LHPP: variants seen among roughly 807,000 people sequenced by gnomAD.
LHPP encodes phospholysine phosphohistidine inorganic pyrophosphate phosphatase.
A neutral mutation model predicts 30.3 loss-of-function variants in LHPP; 24 were observed. The observed-to-expected ratio is 0.79, with a 90% CI of 0.57 to 1.11. LHPP has a LOEUF of 1.11. LHPP is among the 50% of genes most tolerant of loss of function. The pLI is 0.00. For missense variants in LHPP, 356 were observed against 367.2 expected (o/e 0.97, Z 0.25); for synonymous variants, 150 against 157.1 (o/e 0.95, Z 0.34).
chr10:124,498,614 C>T, intron 5 of LHPP: 1 of 736,750 alleles, frequency 1.4e-6, no homozygotes, highest in Non-Finnish European at 2.2e-6. Flanking sequence ...TACCCCAACC[C>T]TAAGTGAGTC....
At chr10:124,467,401 G>A (rs561503299) in intron 1 of LHPP, among the ~76,000 whole-genome samples, 22 of 151,564 alleles carry the variant, frequency 1.5e-4, no homozygotes, top group Admixed American at 6.6e-5. Context: ...GGGGCAGGGA[G>A]GGGGTCATGG....
At chr10:124,463,410 C>T (rs1034010313) in intron 1 of LHPP, among the ~76,000 whole-genome samples, 3 of 151,304 alleles carry the variant, frequency 2.0e-5, no homozygotes, top group African/African-American at 4.9e-5. Context: ...TTGCCCAGGC[C>T]GGAGTGCAGT....
intron 5 of LHPP, among the ~76,000 whole-genome samples, chr10:124,501,953 A>G (rs1953914505): frequency 1.3e-5 from 2 of 151,904 alleles, no homozygotes; most frequent in Non-Finnish European, 2.9e-5. Flanking sequence ...AACATTTGAA[A>G]TATCTATGTC....
chr10:124,576,562 TC>T lies in LHPP; in HGVS notation c.717-36701del, dbSNP rs957203761. 6.8e-6 allele frequency among the ~76,000 whole-genome samples: 1 copy of T among 147,662 alleles called. No individual in the cohort carries two copies. Among genetic ancestry groups the T allele is most frequent in the Non-Finnish European group, 1.5e-5 (1 of 66,518 alleles). On this transcript the variant is annotated intron_variant, in intron 6 of 6. Coordinates refer to ENST00000368842, the MANE Select transcript of LHPP (RefSeq NM_022126.4). The surrounding 1 kb of genome is among the most constrained non-coding windows in gnomAD (Gnocchi z 4.2). ...ATCCCCCTTTGCTGCCACCCCTATA[TC>T]TTACCCCAGACTCCCCCATATCTCG...
chr10:124,613,348 C>G lies in LHPP; in HGVS notation c.801C>G (p.His267Gln). The G allele has an allele frequency of 6.2e-7, 1 of 1,612,042 alleles. No individual in the cohort carries two copies. The highest frequency in any genetic ancestry group is 8.5e-7 in the Non-Finnish European group (1 of 1,179,348). Residue 267 changes from histidine (H) to glutamine (Q), a missense_variant, in exon 7 of 7, where the codon CAC (histidine) becomes CAG (glutamine). Transcript: ENST00000368842. ...AGGCAGTGGACCTGCTGCTGCAGCA[C>G]GCCGACAAGTGATGGCCTCCTGGGA... Reference protein sequence around the residue: ...LAEAVDLLLQHADK With the variant: ...LAEAVDLLLQQADK
rs866983434 is a variant in LHPP, at chr10:124,566,202, G to T, written c.717-47062G>T. On this transcript the variant is annotated intron_variant, in intron 6 of 6. Transcript: ENST00000368842. ...GAAGTGGGCCAGGTCCTGGAGACCG[G>T]GCGTGTGGTTATGGGCTCTCCAGAT... is the stretch of plus-strand genomic sequence containing the variant. 2.6e-5 allele frequency among the ~76,000 whole-genome samples: 4 copies of T among 152,254 alleles called. No homozygotes were observed. The East Asian group carries it at 7.7e-4, about 29-fold the overall frequency.
chr10:124,528,994 C>T (rs17151975), intron 6 of LHPP, among the ~76,000 whole-genome samples: 77,035 of 148,094 alleles, frequency 0.52, 20,825 homozygotes, highest in South Asian at 0.68. Context: ...GGCACAATCG[C>T]CCCTGCCCTG....
At position 124,496,880 on chromosome 10, in the gene LHPP, G is replaced by C; in HGVS notation, c.468-81G>C. 7.7e-7 allele frequency: 1 copy of C among 1,299,040 alleles called. No individual in the cohort carries two copies. The highest frequency in any genetic ancestry group is 1.1e-6 in the Non-Finnish European group (1 of 914,276). 80.5% of individuals were successfully genotyped at this position (1,299,040 alleles called of 1,614,324 possible). A position where few individuals can be genotyped will look rare whatever the true frequency, so the allele number is the denominator to read the frequency against. ...GCTCTGCAGCCAGCGGGACAGGCCC[G>C]GTGCTCAGCTCCCGATACTTAGCAT... On this transcript the variant is annotated intron_variant, in intron 3 of 6. Transcript: ENST00000368842. The surrounding 1 kb of genome is among the most constrained non-coding windows in gnomAD (Gnocchi z 4.3).
rs34225779 is a variant in LHPP, at chr10:124,513,462, C to CTTTT, written c.625-3701_625-3698dup. Among the ~76,000 whole-genome samples, 101 of 92,218 alleles carry CTTTT rather than the reference C, an allele frequency of 1.1e-3. 12 individuals carry two copies. The highest frequency in any genetic ancestry group is 4.2e-3 in the African/African-American group (89 of 21,396). 60.5% of individuals were successfully genotyped at this position (92,218 alleles called of 152,430 possible). A position where few individuals can be genotyped will look rare whatever the true frequency, so the allele number is the denominator to read the frequency against. On this transcript the variant is annotated intron_variant, in intron 5 of 6. Transcript: ENST00000368842. The stretch of plus-strand genomic sequence containing the variant: ...TTTTTTTTCTTTAAAATTATTATTA[C>CTTTT]TTTTTTTTTTTTTTTTTTTTGAGAC...
At chr10:124,539,518 T>A (rs1955122918) in intron 6 of LHPP, among the ~76,000 whole-genome samples, 1 of 152,062 alleles carries the variant, frequency 6.6e-6, no homozygotes, top group Non-Finnish European at 1.5e-5. Context: ...CCCAGCACTT[T>A]GGGAGGCCAA....
chr10:124,470,209 T>C (rs2133816745), intron 1 of LHPP, among the ~76,000 whole-genome samples: 1 of 152,292 alleles, frequency 6.6e-6, no homozygotes, highest in African/African-American at 2.4e-5. Context: ...CCTGGGCCTA[T>C]GGCTGGGAGG....
intron 1 of LHPP, among the ~76,000 whole-genome samples, chr10:124,467,626 AT>A (rs1220445104): frequency 1.3e-5 from 2 of 149,656 alleles, no homozygotes; most frequent in Admixed American, 6.7e-5. Flanking sequence ...GCTCAAAAAA[AT>A]CTTTCTACCC....
chr10:124,583,244 C>A (rs767010673), intron 6 of LHPP, among the ~76,000 whole-genome samples: 9 of 152,198 alleles, frequency 5.9e-5, no homozygotes, highest in Non-Finnish European at 1.3e-4. Flanking sequence ...TAGATTTACC[C>A]CTGTGTTTTC....
At chr10:124,547,037 A>ATG (rs375486788) in intron 6 of LHPP, among the ~76,000 whole-genome samples, 5,861 of 13,140 alleles carry the variant, frequency 0.45, 370 homozygotes, top group African/African-American at 0.52. Flanking sequence ...ACACACGCAC[A>ATG]CGCGCGCACA....
rs1012255949 is a variant in LHPP, at chr10:124,478,482, C to T, written c.126-5657C>T. Among the ~76,000 whole-genome samples the T allele has an allele frequency of 2.6e-5, 4 of 152,228 alleles. No homozygotes were observed. Among genetic ancestry groups the T allele is most frequent in the African/African-American group, 7.2e-5 (3 of 41,460 alleles). On this transcript the variant is annotated intron_variant, in intron 1 of 6. Transcript: ENST00000368842. The surrounding 1 kb of genome is among the most constrained non-coding windows in gnomAD (Gnocchi z 4.7). ...ATTCTCCCTCCAGCCTCAGGACCCT[C>T]GGCGGTCCCCAGAGGGCTAGCTATT...
At position 124,576,823 on chromosome 10, in the gene LHPP, G is replaced by A. The variant is rs1258029841; in HGVS notation, c.717-36441G>A. ...GCCCTCGTGCACCTGTCCTTCCGTA[G>A]CCCACGATACCTCATCCAGCCCGGG... On this transcript the variant is annotated intron_variant, in intron 6 of 6. Coordinates refer to ENST00000368842, the MANE Select transcript of LHPP (RefSeq NM_022126.4). The surrounding 1 kb of genome is among the most constrained non-coding windows in gnomAD (Gnocchi z 4.2). 6.6e-6 allele frequency among the ~76,000 whole-genome samples: 1 copy of A among 151,288 alleles called. No homozygotes were observed. The highest frequency in any genetic ancestry group is 6.6e-5 in the Admixed American group (1 of 15,072).
At chr10:124,491,379 C>T (rs1473110676) in intron 3 of LHPP, among the ~76,000 whole-genome samples, 1 of 152,210 alleles carries the variant, frequency 6.6e-6, no homozygotes, top group Admixed American at 6.5e-5. Flanking sequence ...GACTTTTTAT[C>T]TGGCCATTGG....
chr10:124,463,820 CTTTTTTTTT>C (rs35122241), intron 1 of LHPP, among the ~76,000 whole-genome samples: 7,658 of 120,802 alleles, frequency 0.063, 573 homozygotes, highest in African/African-American at 0.19. Flanking sequence ...ATTTTTTTTT[CTTTTTTTTT>C]TTTTTTTTTT....
At chr10:124,597,131 C>T (rs950253572) in intron 6 of LHPP, among the ~76,000 whole-genome samples, 15 of 152,158 alleles carry the variant, frequency 9.9e-5, no homozygotes, top group African/African-American at 3.6e-4. Context: ...CTGGAGCTCT[C>T]GGGAGGTGTC....
Sources: gnomAD v4.1 joint callset for allele counts (sites outside exome capture counted in the v4.1 genomes callset) on GRCh38, gnomAD v4.1.1 for gene constraint, Gnocchi (gnomAD v3.1) non-coding constraint, MANE v1.5 for transcripts, NCBI Gene and HGNC (gene_info 2026-07-23, HGNC 2026-07-21) for gene names.